Variants in GRM8 observed in about 807,000 individuals in gnomAD.
GRM8 encodes the protein glutamate metabotropic receptor 8.
GRM8 carries 47 observed loss-of-function variants against 87.2 expected under a neutral mutation model. The observed-to-expected ratio is 0.54, with a 90% CI of 0.43 to 0.69. GRM8 has a LOEUF of 0.69. Among genes scored for constraint, GRM8 ranks in the 30% least tolerant of loss-of-function variants. The pLI is 0.00. For missense variants in GRM8, 1,019 were observed against 1,139.2 expected (o/e 0.89, Z 1.52); for synonymous variants, 396 against 404.5 (o/e 0.98, Z 0.25).
chr7:126,904,176 C>T, intron 4 of GRM8, 50 bp from the exon 5 acceptor site: 2 of 1,452,310 alleles, frequency 1.4e-6, no homozygotes, highest in African/African-American at 1.4e-5. Context: ...AAAAATACCA[C>T]AATTATGAAT....
intron 7 of GRM8, among the ~76,000 whole-genome samples, chr7:126,719,222 A>G (rs1812101337): frequency 7.0e-6 from 1 of 142,004 alleles, no homozygotes; most frequent in South Asian, 2.2e-4. Flanking sequence ...GGATAAAAGT[A>G]TTTTGCATAA....
chr7:127,142,524 A>G (rs1452996752), intron 2 of GRM8, among the ~76,000 whole-genome samples: 1 of 152,206 alleles, frequency 6.6e-6, no homozygotes, highest in Non-Finnish European at 1.5e-5. Context: ...CTCTCCCTCA[A>G]TAAATGTACT....
chr7:127,223,453 A>ATG (rs1563590609), intron 2 of GRM8, among the ~76,000 whole-genome samples: 12 of 45,020 alleles, frequency 2.7e-4, no homozygotes, highest in African/African-American at 1.2e-3. Flanking sequence ...GCACACACAC[A>ATG]CACACACACA....
At chr7:126,517,711 A>G (rs1160011557) in intron 9 of GRM8, among the ~76,000 whole-genome samples, 2 of 152,040 alleles carry the variant, frequency 1.3e-5, no homozygotes, top group East Asian at 3.9e-4. Flanking sequence ...AACTTGCACT[A>G]ATATCTTCAT....
chr7:126,656,065 C>A (rs1037906284), intron 7 of GRM8, among the ~76,000 whole-genome samples: 4 of 152,130 alleles, frequency 2.6e-5, no homozygotes, highest in African/African-American at 4.8e-5. Context: ...GTCCACTGAA[C>A]TTTTAGTATT....
chr7:127,245,631 T>C (rs1798546176), intron 1 of GRM8, among the ~76,000 whole-genome samples: 1 of 152,200 alleles, frequency 6.6e-6, no homozygotes, highest in African/African-American at 2.4e-5. Flanking sequence ...TGGCATCTCA[T>C]AGCTTTGTTT....
At chr7:127,028,856 G>T (rs1390346497) in intron 3 of GRM8, among the ~76,000 whole-genome samples, 1 of 151,992 alleles carries the variant, frequency 6.6e-6, no homozygotes, top group Admixed American at 6.6e-5. Flanking sequence ...TCTGATCTTA[G>T]TTATTTCTTG....
intron 6 of GRM8, among the ~76,000 whole-genome samples, chr7:126,887,054 A>G (rs1800564376): frequency 6.6e-6 from 1 of 152,134 alleles, no homozygotes; most frequent in Admixed American, 6.6e-5. Context: ...GAGGTAATCT[A>G]TCTGGGTGTC....
chr7:127,222,318 G>C (rs1218535393), intron 2 of GRM8, among the ~76,000 whole-genome samples: 1 of 152,254 alleles, frequency 6.6e-6, no homozygotes, highest in East Asian at 1.9e-4. Context: ...TGAGGCATGA[G>C]AATCCCTTGG....
At position 127,106,652 on chromosome 7, in the gene GRM8, A is replaced by C. The variant is rs1290112676; in HGVS notation, c.571T>G (p.Phe191Val). The change falls in exon 3 of 11, where the codon TTT (phenylalanine) becomes GTT (valine). Residue 191 changes from phenylalanine (F) to valine (V), a missense_variant. By Grantham distance (50) the Phe-to-Val change is conservative. Transcript: ENST00000339582. Reference sequence around the variant, plus strand: ...TCAGGCGGAACCACTCGAGAGAAAAAGTCATACCTGGTGTTATCACTTAGC... The same window carrying C: ...TCAGGCGGAACCACTCGAGAGAAAACGTCATACCTGGTGTTATCACTTAGC... Reference protein sequence around the residue: ...PELSDNTRYDFFSRVVPPDSY... With the variant: ...PELSDNTRYDVFSRVVPPDSY... 1.9e-6 allele frequency: 3 copies of C among 1,614,012 alleles called. No individual in the cohort carries two copies. Among genetic ancestry groups the C allele is most frequent in the Non-Finnish European group, 2.5e-6 (3 of 1,179,934 alleles).
At chr7:126,780,377 GTA>G (rs1433985046) in intron 6 of GRM8, among the ~76,000 whole-genome samples, 1 of 152,160 alleles carries the variant, frequency 6.6e-6, no homozygotes, top group Non-Finnish European at 1.5e-5. Context: ...AAATGAGTTA[GTA>G]TATACATTAG....
intron 3 of GRM8, among the ~76,000 whole-genome samples, chr7:127,082,935 C>G (rs1463506321): frequency 6.6e-6 from 1 of 152,148 alleles, no homozygotes; most frequent in African/African-American, 2.4e-5. Flanking sequence ...GGCAGCATGG[C>G]CTCAAAGCCT....
chr7:126,715,358 T>A (rs1299113668), intron 7 of GRM8, among the ~76,000 whole-genome samples: 1 of 152,210 alleles, frequency 6.6e-6, no homozygotes, highest in Non-Finnish European at 1.5e-5. Context: ...GTATTACTGT[T>A]CATTTCATGC....
intron 2 of GRM8, among the ~76,000 whole-genome samples, chr7:127,212,047 C>T (rs11563402): frequency 0.017 from 2,629 of 152,240 alleles, 34 homozygotes; most frequent in Non-Finnish European, 0.026. Flanking sequence ...AGGTCACAAC[C>T]TTACATAATG....
At chr7:126,808,015 A>G (rs1792942957) in intron 6 of GRM8, among the ~76,000 whole-genome samples, 1 of 152,178 alleles carries the variant, frequency 6.6e-6, no homozygotes, top group Non-Finnish European at 1.5e-5. Flanking sequence ...AGGGTAGAAA[A>G]AAATATCCTA....
intron 3 of GRM8, among the ~76,000 whole-genome samples, chr7:127,032,770 G>A (rs1817500826): frequency 6.6e-6 from 1 of 152,276 alleles, no homozygotes. Context: ...TTGGGTACAA[G>A]AGGGGATGAC....
chr7:126,763,974 T>G (rs547993600), intron 7 of GRM8, among the ~76,000 whole-genome samples: 1 of 152,086 alleles, frequency 6.6e-6, no homozygotes, highest in Non-Finnish European at 1.5e-5. Context: ...CAAAATATTT[T>G]AAATAATTTT....
chr7:126,980,280 A>T lies in GRM8; in HGVS notation c.728-75597T>A, dbSNP rs577506316. ...CTCTCATGGAGCTTACATTCTGGTC[A>T]GAAAAAAATTAACGATAAACAAGTC... On this transcript the variant is annotated intron_variant, in intron 3 of 10. Coordinates refer to ENST00000339582, the MANE Select transcript of GRM8 (RefSeq NM_000845.3). 2.3e-3 allele frequency among the ~76,000 whole-genome samples: 291 copies of T among 129,058 alleles called. 1 individual carries two copies. Among genetic ancestry groups the T allele is most frequent in the African/African-American group, 8.3e-3 (261 of 31,310 alleles). The allele number at this position is 129,058 out of a possible 152,430, so 84.7% of individuals were successfully genotyped here. A position where few individuals can be genotyped will look rare whatever the true frequency, so the allele number is the denominator to read the frequency against.
chr7:126,665,992 G>A (rs1189889563), intron 7 of GRM8, among the ~76,000 whole-genome samples: 1 of 152,050 alleles, frequency 6.6e-6, no homozygotes, highest in Admixed American at 6.6e-5. Flanking sequence ...AATTAGGTGA[G>A]AGCCTCCTTA....
Sources: gnomAD v4.1 joint callset for allele counts (sites outside exome capture counted in the v4.1 genomes callset) on GRCh38, gnomAD v4.1.1 for gene constraint, MANE v1.5 for transcripts, NCBI Gene and HGNC (gene_info 2026-07-23, HGNC 2026-07-21) for gene names.